HMCN2: variants seen among roughly 807,000 people sequenced by gnomAD.
The protein encoded by HMCN2 is hemicentin 2.
In HMCN2, 325 loss-of-function variants were observed where a neutral mutation model predicts 377.5. That is an observed-to-expected ratio of 0.86 (90% CI 0.79 to 0.94). The LOEUF (loss-of-function observed/expected upper bound fraction) is 0.94. Among genes scored for constraint, HMCN2 ranks in the 40% least tolerant of loss-of-function variants. HMCN2 has a pLI of 0.00. For missense variants in HMCN2, 4,543 were observed against 4,725.3 expected (o/e 0.96, Z 1.13); for synonymous variants, 2,007 against 2,046.8 (o/e 0.98, Z 0.53).
At chr9:130,397,931 T>G (rs1842684035) in intron 74 of HMCN2, among the ~76,000 whole-genome samples, 1 of 151,954 alleles carries the variant, frequency 6.6e-6, no homozygotes, top group African/African-American at 2.4e-5. Context: ...GAGGATCACT[T>G]GATCCCAGGA....
intron 85 of HMCN2, among the ~76,000 whole-genome samples, chr9:130,413,786 C>T (rs1036888149): frequency 2.0e-5 from 3 of 152,022 alleles, no homozygotes; most frequent in Admixed American, 1.3e-4. Flanking sequence ...TGCACCTCAA[C>T]GAGAGCCTGT....
chr9:130,388,680 C>T (rs926457726), intron 62 of HMCN2, 140 bp downstream of exon 62: 94 of 382,088 alleles, frequency 2.5e-4, no homozygotes, highest in Non-Finnish European at 3.1e-4. Flanking sequence ...TTGCCCCCCC[C>T]CCCACCATTT....
At chr9:130,367,439 G>A (rs989349253) in intron 43 of HMCN2, among the ~76,000 whole-genome samples, 2 of 152,160 alleles carry the variant, frequency 1.3e-5, no homozygotes, top group African/African-American at 4.8e-5. Flanking sequence ...ACCCAGCCCA[G>A]AGGTCTGCTT....
intron 14 of HMCN2, among the ~76,000 whole-genome samples, chr9:130,309,430 G>A (rs369613969): frequency 1.1e-4 from 16 of 145,076 alleles, no homozygotes; most frequent in African/African-American, 3.1e-4. Flanking sequence ...TAGGATAATC[G>A]CTTGAACCTG....
chr9:130,336,717 C>T (rs1339298204), intron 22 of HMCN2, among the ~76,000 whole-genome samples: 6 of 152,182 alleles, frequency 3.9e-5, no homozygotes, highest in African/African-American at 1.4e-4. Context: ...AAGGGGGTGT[C>T]ATTGCACTAC....
At chr9:130,411,777 G>A (rs1341314926) in intron 85 of HMCN2, among the ~76,000 whole-genome samples, 3 of 152,130 alleles carry the variant, frequency 2.0e-5, no homozygotes, top group Non-Finnish European at 4.4e-5. Flanking sequence ...GAGACCCAAA[G>A]TAGTATGGAG....
chr9:130,278,133 G>A (rs1477929168), intron 1 of HMCN2, among the ~76,000 whole-genome samples: 1 of 150,820 alleles, frequency 6.6e-6, no homozygotes. Flanking sequence ...TGGTTGGTTG[G>A]TTTTTTTTTG....
chr9:130,398,818 G>A (rs1279246974), intron 75 of HMCN2, 111 bp downstream of exon 75: 7 of 964,958 alleles, frequency 7.3e-6, no homozygotes, highest in East Asian at 6.3e-5. Context: ...AGGTCTCACC[G>A]GAGTCAGGAC....
intron 1 of HMCN2, among the ~76,000 whole-genome samples, chr9:130,269,907 T>C (rs1554920532): frequency 2.0e-5 from 3 of 148,270 alleles, no homozygotes; most frequent in African/African-American, 7.3e-5. Context: ...ACCTCCCAGG[T>C]TCAAGTGATT....
chr9:130,373,351 C>T (rs906470833), intron 48 of HMCN2, among the ~76,000 whole-genome samples: 6 of 152,280 alleles, frequency 3.9e-5, no homozygotes, highest in African/African-American at 1.4e-4. Context: ...CTTTCAGGAC[C>T]CTCCACAGGG....
At chr9:130,319,088 G>A (rs1837713217) in intron 15 of HMCN2, among the ~76,000 whole-genome samples, 1 of 152,188 alleles carries the variant, frequency 6.6e-6, no homozygotes, top group Admixed American at 6.5e-5. Flanking sequence ...GGAGGCGAGG[G>A]GTAGGGGAGG....
At chr9:130,421,707 A>G (rs927186548) in intron 86 of HMCN2, among the ~76,000 whole-genome samples, 6 of 152,156 alleles carry the variant, frequency 3.9e-5, no homozygotes, top group African/African-American at 1.4e-4. Context: ...TCGGATACTG[A>G]TGAGAAACAT....
intron 22 of HMCN2, among the ~76,000 whole-genome samples, chr9:130,331,911 T>C (rs1838451711): frequency 6.6e-6 from 1 of 152,132 alleles, no homozygotes; most frequent in African/African-American, 2.4e-5. Context: ...TATCTCGTTC[T>C]TCCAGGTTTT....
At position 130,425,728 on chromosome 9, in the gene HMCN2, G is replaced by A; in HGVS notation, c.13683G>A (p.Leu4561=). The change falls in exon 90 of 98, where the codon CTG becomes CTA. Residue 4561 remains leucine (L), a synonymous_variant. Coordinates refer to ENST00000683500, the MANE Select transcript of HMCN2 (RefSeq NM_001291815.2). ...ACGTGCAAACAGGGCCTGGCCAGCTGTTCGTGGGCTCCACACAGCGCTTCT... is the reference window on the plus strand; with the variant it reads ...ACGTGCAAACAGGGCCTGGCCAGCTATTCGTGGGCTCCACACAGCGCTTCT... ...EHYVQTGPGQ[L]FVGSTQRFFQ... is the part of the protein sequence containing the mutation. 1 of 1,549,152 alleles carries A rather than the reference G, an allele frequency of 6.5e-7. No individual in the cohort carries two copies. Among genetic ancestry groups the A allele is most frequent in the South Asian group, 1.2e-5 (1 of 84,012 alleles).
At chr9:130,427,663 C>A in intron 92 of HMCN2, 44 bp downstream of exon 92, 1 of 1,529,426 alleles carries the variant, frequency 6.5e-7, no homozygotes, top group Admixed American at 2.0e-5. Context: ...GCTCCTCAGA[C>A]CTGACCCAGG....
chr9:130,376,821 G>A (rs1841409822), intron 52 of HMCN2, among the ~76,000 whole-genome samples, 163 bp downstream of exon 52: 1 of 152,064 alleles, frequency 6.6e-6, no homozygotes, highest in Admixed American at 6.6e-5. Flanking sequence ...TTTTGAGATG[G>A]AGTGTTGCTC....
intron 4 of HMCN2, among the ~76,000 whole-genome samples, chr9:130,293,963 G>A (rs1313170539): frequency 2.0e-5 from 3 of 152,154 alleles, no homozygotes; most frequent in Non-Finnish European, 2.9e-5. Context: ...CAAAGAACAC[G>A]GCATGTATGG....
intron 61 of HMCN2, among the ~76,000 whole-genome samples, chr9:130,387,750 A>G (rs566319579): frequency 6.6e-6 from 1 of 152,276 alleles, no homozygotes; most frequent in Admixed American, 6.5e-5. Context: ...GGGCACATGC[A>G]ACCCTGAGCC....
chr9:130,351,392 A>C lies in HMCN2; in HGVS notation c.4431-31A>C. 7.8e-7 allele frequency: 1 copy of C among 1,289,882 alleles called. No homozygotes were observed. Among genetic ancestry groups the C allele is most frequent in the Non-Finnish European group, 1.0e-6 (1 of 978,816 alleles). The allele number at this position is 1,289,882 out of a possible 1,614,324, so 79.9% of individuals were successfully genotyped here. On this transcript the variant is annotated intron_variant, in intron 29 of 97. Transcript: ENST00000683500. This position sits in a 1 kb window ranked among gnomAD's most constrained non-coding sequence, Gnocchi z 5.4. ...GTGTCCCATCCAGCCCCTCGGCCTT[A>C]CTGGCGCTTTTCCCTTGCCCGTCTC...
Sources: gnomAD v4.1 joint callset for allele counts (sites outside exome capture counted in the v4.1 genomes callset) on GRCh38, gnomAD v4.1.1 for gene constraint, Gnocchi (gnomAD v3.1) non-coding constraint, MANE v1.5 for transcripts, NCBI Gene and HGNC (gene_info 2026-07-23, HGNC 2026-07-21) for gene names.